ORC2: variants seen among roughly 807,000 people sequenced by gnomAD.
The protein encoded by ORC2 is origin recognition complex subunit 2.
A neutral mutation model predicts 77.7 loss-of-function variants in ORC2; 37 were observed. That is an observed-to-expected ratio of 0.48 (90% CI 0.37 to 0.63). The LOEUF is 0.63. ORC2 is among the 20% of genes least tolerant of loss of function. The pLI is 0.00. For synonymous variants in ORC2, 201 were observed against 229.5 expected (o/e 0.88, Z 1.12); for missense variants, 557 against 661.9 (o/e 0.84, Z 1.74).
rs988994159 is a variant in ORC2, at chr2:200,911,208, T to C, written c.*93A>G. On this transcript the variant is annotated 3_prime_UTR_variant, in exon 18 of 18. Coordinates refer to ENST00000234296, the MANE Select transcript of ORC2 (RefSeq NM_006190.5). ...TAAATCTTGTATGCTGGAAAAATAA[T>C]TTAATGTCAGATGTAAACACAACAC... 5 of 757,574 alleles carry C rather than the reference T, an allele frequency of 6.6e-6. No individual in the cohort carries two copies. Among genetic ancestry groups the C allele is most frequent in the Non-Finnish European group, 9.1e-6 (4 of 439,672 alleles). 46.9% of individuals were successfully genotyped at this position (757,574 alleles called of 1,614,324 possible). A position where few individuals can be genotyped will look rare whatever the true frequency, so the allele number is the denominator to read the frequency against.
chr2:200,951,410 T>C (rs2041354937), intron 4 of ORC2, among the ~76,000 whole-genome samples: 1 of 152,164 alleles, frequency 6.6e-6, no homozygotes, highest in Non-Finnish European at 1.5e-5. Flanking sequence ...GATTATATAG[T>C]TAGAGTATGT....
intron 5 of ORC2, among the ~76,000 whole-genome samples, chr2:200,947,556 A>G (rs943954626): frequency 8.5e-5 from 13 of 152,280 alleles, no homozygotes; most frequent in African/African-American, 3.1e-4. Flanking sequence ...CAACTATTAC[A>G]TTTACCAGGT....
At chr2:200,957,177 T>C (rs2041481168) in intron 4 of ORC2, among the ~76,000 whole-genome samples, 1 of 152,128 alleles carries the variant, frequency 6.6e-6, no homozygotes, top group African/African-American at 2.4e-5. Flanking sequence ...AAAAATAAAA[T>C]AACTTTAGAG....
At chr2:200,938,031 AGGCT>A in intron 7 of ORC2, 65 bp from the exon 8 acceptor site, 1 of 1,205,922 alleles carries the variant, frequency 8.3e-7, no homozygotes, top group Admixed American at 2.2e-5. Context: ...TGAGTGAAAG[AGGCT>A]AGAAAAAAAG....
intron 10 of ORC2, 151 bp from the exon 11 acceptor site, chr2:200,931,599 TAAAC>T: frequency 2.3e-6 from 1 of 425,952 alleles, no homozygotes; most frequent in Non-Finnish European, 4.2e-6. Context: ...TATCAACCGA[TAAAC>T]AAAATTCTTA....
Position 200,942,029 on chromosome 2 carries a change from A to G in ORC2, c.421+656T>C, listed in dbSNP as rs140552125. On this transcript the variant is annotated intron_variant, in intron 6 of 17. Transcript: ENST00000234296. ...AAAAAAAGAAAAAAAAAAAAGTACA[A>G]TGGAGCCAGACACAATGCGGTGTGC... 7.4e-3 allele frequency among the ~76,000 whole-genome samples: 1,122 copies of G among 152,074 alleles called. 9 individuals are homozygous for G. Among genetic ancestry groups the G allele is most frequent in the African/African-American group, 0.026 (1,062 of 41,486 alleles).
chr2:200,933,876 C>T lies in ORC2; in HGVS notation c.807G>A (p.Gln269=). The T allele has an allele frequency of 6.3e-7, 1 of 1,580,802 alleles. No homozygotes were observed. The highest frequency in any genetic ancestry group is 8.6e-7 in the Non-Finnish European group (1 of 1,156,668). The change falls in exon 10 of 18, where the codon CAG becomes CAA. Residue 269 remains glutamine, a splice_region_variant and synonymous_variant. Coordinates refer to ENST00000234296, the MANE Select transcript of ORC2 (RefSeq NM_006190.5). ...LQKLKRAKLD[Q]QTLRNLLSKV... ...AGAAGTAACATTCCTTGTAACATAC[C>T]TGATCCAGTTTAGCTCTCTTTAGCT...
Position 200,935,786 on chromosome 2 carries a change from G to C in ORC2, c.621C>G (p.Phe207Leu). The C allele has an allele frequency of 6.2e-7, 1 of 1,614,032 alleles. No individual in the cohort carries two copies. The change falls in exon 9 of 18, where the codon TTC (phenylalanine) becomes TTG (leucine). Residue 207 changes from phenylalanine (F) to leucine (L), a missense_variant. Physicochemically the swap from Phe to Leu is conservative, Grantham distance 22. Transcript: ENST00000234296. ...TATTCTGAGCTTGAATCTTTTGGCT[G>C]AATATGACTGCATTAGTGTCCTCTT... is the stretch of plus-strand genomic sequence containing the variant. ...EHEEDTNAVI[F>L]SQKIQAQNRV... is the part of the protein sequence containing the mutation.
chr2:200,913,533 C>A (rs1439836045), intron 16 of ORC2, 120 bp from the exon 17 acceptor site: 3 of 1,384,492 alleles, frequency 2.2e-6, no homozygotes, highest in Non-Finnish European at 1.9e-6. Context: ...GAGCAGTGAA[C>A]AAGTATTGAT....
rs2125049104 is a variant in ORC2 at position 200,963,562 on chromosome 2, C to T, written c.-132G>A. On this transcript the variant is annotated 5_prime_UTR_variant, in exon 1 of 18. Coordinates refer to ENST00000234296, the MANE Select transcript of ORC2 (RefSeq NM_006190.5). ...ACGACACCCCGCTGAGTCGCCGCCG[C>T]AGGGAAGGTACCTTCGGCCCCAACG... is the stretch of plus-strand genomic sequence containing the variant. The T allele has an allele frequency of 2.5e-6, 1 of 398,644 alleles. No homozygotes were observed. The allele number at this position is 398,644 out of a possible 1,614,324, so 24.7% of individuals were successfully genotyped here. A position where few individuals can be genotyped will look rare whatever the true frequency, so the allele number is the denominator to read the frequency against.
At chr2:200,921,300 G>C in intron 13 of ORC2, 161 bp from the exon 14 acceptor site, 1 of 404,280 alleles carries the variant, frequency 2.5e-6, no homozygotes, top group Middle Eastern at 6.5e-4. Context: ...CCTGGAACTA[G>C]GCGCACACCA....
chr2:200,912,964 A>G (rs897589040), intron 17 of ORC2, among the ~76,000 whole-genome samples: 1 of 152,238 alleles, frequency 6.6e-6, no homozygotes, highest in Non-Finnish European at 1.5e-5. Context: ...ACTTAGTGCA[A>G]TATCTATGTA....
intron 13 of ORC2, among the ~76,000 whole-genome samples, chr2:200,924,635 A>G (rs1330038644): frequency 6.6e-6 from 1 of 152,228 alleles, no homozygotes; most frequent in Non-Finnish European, 1.5e-5. Flanking sequence ...ACTATATAAT[A>G]CTATTTCCAA....
At chr2:200,951,466 C>A (rs938934169) in intron 4 of ORC2, among the ~76,000 whole-genome samples, 1 of 152,182 alleles carries the variant, frequency 6.6e-6, no homozygotes, top group Non-Finnish European at 1.5e-5. Context: ...GGGGCTGCAC[C>A]ATTTTGCATT....
chr2:200,923,118 A>G (rs192832603), intron 13 of ORC2, among the ~76,000 whole-genome samples: 1 of 152,346 alleles, frequency 6.6e-6, no homozygotes, highest in Admixed American at 6.5e-5. Flanking sequence ...CTCTCATTAC[A>G]TTAAGTTCTA....
At chr2:200,937,877 TAA>T (rs1164438962) in intron 8 of ORC2, 27 bp downstream of exon 8, 4 of 1,452,040 alleles carry the variant, frequency 2.8e-6, no homozygotes, top group African/African-American at 1.4e-5. Flanking sequence ...CTACTTTTTA[TAA>T]AAAGTCATGT....
At chr2:200,930,502 A>G (rs2040921102) in intron 11 of ORC2, among the ~76,000 whole-genome samples, 1 of 145,952 alleles carries the variant, frequency 6.9e-6, no homozygotes, top group Non-Finnish European at 1.5e-5. Flanking sequence ...CCTTCCTAGC[A>G]TAACTTTTTT....
intron 5 of ORC2, among the ~76,000 whole-genome samples, chr2:200,945,576 T>A (rs960071688): frequency 1.3e-5 from 2 of 152,058 alleles, no homozygotes; most frequent in African/African-American, 4.8e-5. Flanking sequence ...AAAAAAATTA[T>A]GATATTATTT....
intron 16 of ORC2, 108 bp downstream of exon 16, chr2:200,913,823 C>G (rs1240408013): frequency 6.9e-7 from 1 of 1,450,844 alleles, no homozygotes; most frequent in Non-Finnish European, 9.1e-7. Flanking sequence ...TGAGTGACCA[C>G]TTACTCACTG....
Sources: allele counts gnomAD v4.1 joint callset (sites outside exome capture counted in the v4.1 genomes callset), GRCh38; gene constraint gnomAD v4.1.1; transcripts MANE v1.5; gene names NCBI Gene and HGNC (gene_info 2026-07-23, HGNC 2026-07-21).